The following CDH4 variants were observed in gnomAD, a reference collection of about 807,000 sequenced individuals.
The protein encoded by CDH4 is cadherin 4, also known as cadherin-4.
Under a neutral mutation model 86.0 loss-of-function variants are expected in CDH4, and 33 were observed. That is an observed-to-expected ratio of 0.38 (90% CI 0.29 to 0.51). The LOEUF is 0.51. Among genes scored for constraint, CDH4 ranks in the 20% least tolerant of loss-of-function variants. The probability of loss-of-function intolerance (pLI) is 0.86; values close to 1 mark genes in which losing one functional copy is unlikely to be tolerated. For missense variants in CDH4, 1,114 were observed against 1,307.4 expected, an observed-to-expected ratio of 0.85 and a Z score of 2.28; for synonymous variants, 555 against 549.4, an observed-to-expected ratio of 1.01 and a Z score of -0.14.
chr20:61,583,523 G>A (rs1392687757), intron 2 of CDH4, among the ~76,000 whole-genome samples: 1 of 152,158 alleles, frequency 6.6e-6, no homozygotes, highest in Non-Finnish European at 1.5e-5. Flanking sequence ...AGAGGCAGCT[G>A]CGAGGTGGAG....
intron 2 of CDH4, among the ~76,000 whole-genome samples, chr20:61,261,623 T>A (rs1374287904): frequency 6.6e-6 from 1 of 152,196 alleles, no homozygotes; most frequent in Non-Finnish European, 1.5e-5. Context: ...TTTCCCTCTT[T>A]GTGCAGTCCT....
At position 61,457,898 on chromosome 20, in the gene CDH4, G is replaced by A. The variant is rs143976137; in HGVS notation, c.169+202961G>A. On this transcript the variant is annotated intron_variant, in intron 2 of 15. Coordinates refer to ENST00000614565, the MANE Select transcript of CDH4 (RefSeq NM_001794.5). ...TGGTATGACTGACACTAGTGGTGGT[G>A]ATGGTCATGGTCATGACGGTGATGG... Among the ~76,000 whole-genome samples, 275 of 151,360 alleles carry A rather than the reference G, an allele frequency of 1.8e-3. 2 individuals are homozygous for A. The highest frequency in any genetic ancestry group is 6.5e-3 in the African/African-American group (268 of 41,072).
In CDH4 at chr20:61,933,117, A is replaced by T; in HGVS notation, c.2372A>T (p.Glu791Val). Residue 791 changes from glutamate (E) to valine (V), a missense_variant, in exon 14 of 16, where the codon GAG (glutamate) becomes GTG (valine). Transcript: ENST00000614565. ...LKYDEEGGGE[E>V]DQDYDLSQLQ... The stretch of plus-strand genomic sequence containing the variant: ...TATGACGAGGAAGGCGGTGGCGAGG[A>T]GGACCAGGTGAGACTGCGGCCCGCC... The T allele has an allele frequency of 6.2e-7, 1 of 1,612,818 alleles. No homozygotes were observed. The highest frequency in any genetic ancestry group is 8.5e-7 in the Non-Finnish European group (1 of 1,179,850).
At chr20:61,698,274 T>TGCCCCAG (rs1298736220) in intron 2 of CDH4, among the ~76,000 whole-genome samples, 4 of 152,232 alleles carry the variant, frequency 2.6e-5, no homozygotes, top group African/African-American at 9.6e-5. Flanking sequence ...TGCCGGCGTC[T>TGCCCCAG]GCCCCAGGCC....
At chr20:61,704,328 G>A (rs1268388466) in intron 2 of CDH4, among the ~76,000 whole-genome samples, 1 of 152,132 alleles carries the variant, frequency 6.6e-6, no homozygotes, top group African/African-American at 2.4e-5. Flanking sequence ...ATGGGCTTTT[G>A]CAGTGGAGAA....
At chr20:61,621,327 C>A (rs1305449880) in intron 2 of CDH4, among the ~76,000 whole-genome samples, 1 of 152,214 alleles carries the variant, frequency 6.6e-6, no homozygotes, top group African/African-American at 2.4e-5. Context: ...CCAACAACAG[C>A]CTGTCTCCTC....
At chr20:61,260,952 G>A (rs2084124642) in intron 2 of CDH4, among the ~76,000 whole-genome samples, 6 of 152,248 alleles carry the variant, frequency 3.9e-5, no homozygotes, top group Admixed American at 3.9e-4. Context: ...TGCATCATCT[G>A]CAGGCCAAAT....
At chr20:61,384,909 G>A (rs1048299776) in intron 2 of CDH4, among the ~76,000 whole-genome samples, 4 of 152,092 alleles carry the variant, frequency 2.6e-5, no homozygotes, top group South Asian at 2.1e-4. Context: ...TGATTCTATT[G>A]TCTGAGGTTT....
intron 5 of CDH4, among the ~76,000 whole-genome samples, chr20:61,845,644 G>A (rs1010455484): frequency 6.6e-6 from 1 of 152,236 alleles, no homozygotes; most frequent in African/African-American, 2.4e-5. Flanking sequence ...AGATGCTGTC[G>A]CCTCTCCTGG....
chr20:61,727,102 G>A (rs2088123362), intron 2 of CDH4, among the ~76,000 whole-genome samples: 1 of 147,960 alleles, frequency 6.8e-6, no homozygotes, highest in African/African-American at 2.5e-5. Flanking sequence ...CACCATTGGA[G>A]CCATCACCAT....
chr20:61,590,677 C>G (rs1172967615), intron 2 of CDH4, among the ~76,000 whole-genome samples: 2 of 151,958 alleles, frequency 1.3e-5, no homozygotes, highest in Non-Finnish European at 2.9e-5. Flanking sequence ...GGACTTGGGT[C>G]GGGTTTGGGA....
chr20:61,640,168 G>A (rs6142813), intron 2 of CDH4, among the ~76,000 whole-genome samples: 32,189 of 152,148 alleles, frequency 0.21, 4,011 homozygotes, highest in Middle Eastern at 0.31. Flanking sequence ...GAAGGCGTGC[G>A]CTCAAAGTCG....
intron 2 of CDH4, among the ~76,000 whole-genome samples, chr20:61,432,833 ATTTTTTTTTT>A (rs36067606): frequency 2.0e-5 from 2 of 101,710 alleles, no homozygotes; most frequent in Non-Finnish European, 3.9e-5. Context: ...TAAATCCATG[ATTTTTTTTTT>A]TTTTTTTTTT....
chr20:61,752,329 CAAAAAAAAA>C (rs34828485), intron 3 of CDH4, among the ~76,000 whole-genome samples: 10 of 83,150 alleles, frequency 1.2e-4, no homozygotes, highest in African/African-American at 3.8e-4. Flanking sequence ...AAAAGCCTGT[CAAAAAAAAA>C]AAAAAAAAAA....
At chr20:61,512,394 C>G (rs78415388) in intron 2 of CDH4, among the ~76,000 whole-genome samples, 4,672 of 152,278 alleles carry the variant, frequency 0.031, 117 homozygotes, top group Non-Finnish European at 0.047. Context: ...TTCAATCGAC[C>G]ATACCTCTTC....
intron 2 of CDH4, among the ~76,000 whole-genome samples, chr20:61,299,475 T>C (rs979644324): frequency 2.6e-5 from 4 of 152,198 alleles, no homozygotes; most frequent in Non-Finnish European, 5.9e-5. Flanking sequence ...AAATGGCAAT[T>C]TTGAAAAGCC....
intron 2 of CDH4, among the ~76,000 whole-genome samples, chr20:61,441,082 GA>G (rs954009347): frequency 6.6e-6 from 1 of 152,204 alleles, no homozygotes; most frequent in African/African-American, 2.4e-5. Context: ...ATCCATTTCA[GA>G]GCAGAGATGA....
chr20:61,593,803 G>A lies in CDH4; in HGVS notation c.170-149760G>A, dbSNP rs751297495. On this transcript the variant is annotated intron_variant, in intron 2 of 15. Transcript: ENST00000614565. ...ATAGTAGAACCCCCTGGGGATGCCC[G>A]GGAGTCTGGGCCGTGCCTGGCATGC... Among the ~76,000 whole-genome samples the A allele has an allele frequency of 4.3e-4, 65 of 151,462 alleles. 1 individual carries two copies. The highest frequency in any genetic ancestry group is 3.5e-3 in the Middle Eastern group (1 of 288).
intron 2 of CDH4, among the ~76,000 whole-genome samples, chr20:61,666,932 GGAGAAGGGT>G (rs1465923970): frequency 1.3e-5 from 2 of 152,242 alleles, no homozygotes. Flanking sequence ...AGCAAAGCCT[GGAGAAGGGT>G]GAGAAGCATC....
Sources: gnomAD v4.1 joint callset for allele counts (sites outside exome capture counted in the v4.1 genomes callset) on GRCh38, gnomAD v4.1.1 for gene constraint, MANE v1.5 for transcripts, NCBI Gene and HGNC (gene_info 2026-07-23, HGNC 2026-07-21) for gene names.